ATRN: variants seen among roughly 807,000 people sequenced by gnomAD.
The protein encoded by ATRN is attractin-2.
A neutral mutation model predicts 178.7 loss-of-function variants in ATRN; 54 were observed. The observed-to-expected ratio is 0.30, with a 90% CI of 0.24 to 0.38. The LOEUF is 0.38. ATRN is among the 10% of genes least tolerant of loss of function. The pLI, the probability that ATRN is intolerant of heterozygous loss-of-function variation, is 1.00. For missense variants in ATRN, 1,443 were observed against 1,815.1 expected (o/e 0.79, Z 3.73); for synonymous variants, 636 against 663.0 (o/e 0.96, Z 0.63).
intron 24 of ATRN, among the ~76,000 whole-genome samples, chr20:3,609,112 G>A (rs969627310): frequency 3.3e-5 from 5 of 152,032 alleles, no homozygotes; most frequent in African/African-American, 4.8e-5. Context: ...GGTAGCTTTT[G>A]GTAGTATGGT....
intron 26 of ATRN, among the ~76,000 whole-genome samples, chr20:3,637,284 G>A (rs2087032371): frequency 6.6e-6 from 1 of 152,128 alleles, no homozygotes; most frequent in Admixed American, 6.5e-5. Flanking sequence ...AAAAACAATA[G>A]TAGTAGCGGC....
At chr20:3,626,782 T>TTTC (rs72467147) in intron 25 of ATRN, among the ~76,000 whole-genome samples, 27 of 20,594 alleles carry the variant, frequency 1.3e-3, no homozygotes, top group South Asian at 4.2e-3. Context: ...GAATTATTTC[T>TTTC]TTTTTTTTTT....
chr20:3,551,134 C>G (rs567575343), intron 6 of ATRN, among the ~76,000 whole-genome samples: 38 of 152,312 alleles, frequency 2.5e-4, no homozygotes, highest in Admixed American at 5.2e-4. Context: ...GAAGAATTCT[C>G]TCAGCAGATT....
intron 1 of ATRN, among the ~76,000 whole-genome samples, chr20:3,509,494 A>G (rs1360378990): frequency 6.8e-6 from 1 of 146,360 alleles, no homozygotes; most frequent in Non-Finnish European, 1.5e-5. Flanking sequence ...GTACATGTTA[A>G]CAATTTTTTT....
chr20:3,605,070 G>T (rs138070384), intron 24 of ATRN, among the ~76,000 whole-genome samples: 49 of 152,308 alleles, frequency 3.2e-4, no homozygotes, highest in Admixed American at 1.2e-3. Context: ...TGGAAGCATG[G>T]TCACTGGACG....
At chr20:3,616,397 C>G (rs1190003369) in intron 24 of ATRN, among the ~76,000 whole-genome samples, 1 of 152,066 alleles carries the variant, frequency 6.6e-6, no homozygotes, top group African/African-American at 2.4e-5. Context: ...CCCATGCATT[C>G]CTGGGAGCCA....
intron 1 of ATRN, among the ~76,000 whole-genome samples, chr20:3,514,838 T>TC (rs1226635767): frequency 2.0e-5 from 3 of 152,014 alleles, no homozygotes; most frequent in African/African-American, 7.2e-5. Flanking sequence ...GTGCCTCTAG[T>TC]CCCAGCTGTT....
rs902120696 is a variant in ATRN, at chr20:3,646,948, C to A, written c.*101C>A. On this transcript the variant is annotated 3_prime_UTR_variant, in exon 29 of 29. Transcript: ENST00000262919. ...GGGGAAATGGCTGTGCGGTGCGGGACGGAAGACTGGAAACCCTCAAAGCAT... is the reference window on the plus strand; with the variant it reads ...GGGGAAATGGCTGTGCGGTGCGGGAAGGAAGACTGGAAACCCTCAAAGCAT... The A allele has an allele frequency of 7.0e-7, 1 of 1,437,866 alleles. No homozygotes were observed. Among genetic ancestry groups the A allele is most frequent in the East Asian group, 2.5e-5 (1 of 40,286 alleles). The allele number at this position is 1,437,866 out of a possible 1,614,324, so 89.1% of individuals were successfully genotyped here.
intron 22 of ATRN, among the ~76,000 whole-genome samples, chr20:3,600,092 A>G (rs998409385): frequency 2.0e-5 from 3 of 152,212 alleles, no homozygotes; most frequent in Admixed American, 1.3e-4. Flanking sequence ...TTAGTTTGCA[A>G]AAATAATTGT....
At chr20:3,496,978 T>C (rs1438597077) in intron 1 of ATRN, among the ~76,000 whole-genome samples, 1 of 151,826 alleles carries the variant, frequency 6.6e-6, no homozygotes, top group East Asian at 1.9e-4. Flanking sequence ...AGACTAGGAT[T>C]GCAACCCCTG....
intron 28 of ATRN, among the ~76,000 whole-genome samples, chr20:3,646,365 C>G (rs2087107918): frequency 6.6e-6 from 1 of 152,086 alleles, no homozygotes; most frequent in African/African-American, 2.4e-5. Flanking sequence ...TTTATATGTT[C>G]CCACCACCAA....
chr20:3,476,087 G>A (rs1431886702), intron 1 of ATRN, among the ~76,000 whole-genome samples: 1 of 152,232 alleles, frequency 6.6e-6, no homozygotes, highest in African/African-American at 2.4e-5. Flanking sequence ...TGAGGCTGCA[G>A]TGAGCCATAA....
At chr20:3,525,250 A>C (rs534877666) in intron 1 of ATRN, among the ~76,000 whole-genome samples, 1 of 152,354 alleles carries the variant, frequency 6.6e-6, no homozygotes, top group South Asian at 2.1e-4. Flanking sequence ...AGAAACTGCC[A>C]TCAGAGAATA....
At chr20:3,474,577 G>C (rs1599989499) in intron 1 of ATRN, among the ~76,000 whole-genome samples, 1 of 151,726 alleles carries the variant, frequency 6.6e-6, no homozygotes. Flanking sequence ...CGTGGTGGCG[G>C]GCACCTGTAG....
chr20:3,613,501 G>T (rs1238029629), intron 24 of ATRN, among the ~76,000 whole-genome samples: 1 of 152,196 alleles, frequency 6.6e-6, no homozygotes, highest in Admixed American at 6.5e-5. Flanking sequence ...TTTTCTAGGT[G>T]TGTAGCATGG....
At position 3,572,847 on chromosome 20, in the gene ATRN, G is replaced by A. The variant is rs1441301609; in HGVS notation, c.1988G>A (p.Gly663Asp). 1.2e-6 allele frequency: 2 copies of A among 1,613,648 alleles called. No homozygotes were observed. Among genetic ancestry groups the A allele is most frequent in the African/African-American group, 1.3e-5 (1 of 74,748 alleles). Residue 663 changes from glycine (G) to aspartate (D), a missense_variant, in exon 12 of 29, where the codon GGT (glycine) becomes GAT (aspartate). This residue lies in a region of ATRN where 862 missense variants were observed against 972.1 expected (regional missense o/e 0.89). Coordinates refer to ENST00000262919, the MANE Select transcript of ATRN (RefSeq NM_139321.3). ...GCCGCTTGTTTAGCAGCAGGACCTG[G>A]TATTCGGTGTGTGTGGAACACAGGG... Reference protein sequence around the residue: ...SEAACLAAGPGIRCVWNTGSS... With the variant: ...SEAACLAAGPDIRCVWNTGSS...
chr20:3,505,057 A>G (rs2146115424), intron 1 of ATRN, among the ~76,000 whole-genome samples: 1 of 152,288 alleles, frequency 6.6e-6, no homozygotes, highest in Middle Eastern at 3.4e-3. Flanking sequence ...GTTAAGGAGG[A>G]CCTAGATAGC....
At position 3,647,710 on chromosome 20, in the gene ATRN, A is replaced by G. The variant is rs1012577702; in HGVS notation, c.*863A>G. 5.3e-5 allele frequency: 8 copies of G among 152,194 alleles called. No individual in the cohort carries two copies. The highest frequency in any genetic ancestry group is 2.9e-5 in the Non-Finnish European group (2 of 68,030). 9.4% of individuals were successfully genotyped at this position (152,194 alleles called of 1,614,324 possible). A position where few individuals can be genotyped will look rare whatever the true frequency, so the allele number is the denominator to read the frequency against. ...AGTTTTTACATAATTGCATTCCTAC[A>G]TTCTTGTAAAATTTAAATAGCTACC... On this transcript the variant is annotated 3_prime_UTR_variant, in exon 29 of 29. Coordinates refer to ENST00000262919, the MANE Select transcript of ATRN (RefSeq NM_139321.3).
chr20:3,608,401 G>C (rs2086707780), intron 24 of ATRN, among the ~76,000 whole-genome samples: 1 of 152,150 alleles, frequency 6.6e-6, no homozygotes, highest in Non-Finnish European at 1.5e-5. Context: ...AGAGAGAGGG[G>C]CCTAGTGTTA....
Sources: allele counts gnomAD v4.1 joint callset (sites outside exome capture counted in the v4.1 genomes callset), GRCh38; gene constraint gnomAD v4.1.1; regional missense constraint gnomAD v4.1.1; transcripts MANE v1.5; gene names NCBI Gene and HGNC (gene_info 2026-07-23, HGNC 2026-07-21).